Variants in BBS9 observed in about 807,000 individuals in gnomAD.
BBS9 encodes protein PTHB1.
Under a neutral mutation model 117.7 loss-of-function variants are expected in BBS9, and 89 were observed. That is an observed-to-expected ratio of 0.76 (90% CI 0.64 to 0.90). BBS9 has a LOEUF of 0.90. Ranked by LOEUF, BBS9 falls within the 40% of genes least tolerant of loss-of-function variation. The pLI, the probability that BBS9 is intolerant of heterozygous loss-of-function variation, is 0.00. For missense variants in BBS9, 982 were observed against 1,042.2 expected, an observed-to-expected ratio of 0.94 and a Z score of 0.80; for synonymous variants, 379 against 370.9, an observed-to-expected ratio of 1.02 and a Z score of -0.25.
intron 19 of BBS9, among the ~76,000 whole-genome samples, chr7:33,446,614 G>A (rs1355537384): frequency 6.6e-6 from 1 of 152,084 alleles, no homozygotes; most frequent in Non-Finnish European, 1.5e-5. Context: ...CCCCAGAAAA[G>A]GTAGAAAGTG....
rs971009022 is a variant in BBS9, at chr7:33,443,100, G to C, written c.2115+54956G>C. On this transcript the variant is annotated intron_variant, in intron 19 of 22. Coordinates refer to ENST00000242067, the MANE Select transcript of BBS9 (RefSeq NM_198428.3). ...TGTACTCATTTCTGTGAAAAATTAT[G>C]ACTACTTTGTAGTAGAACTGGCACC... Among the ~76,000 whole-genome samples, 6 of 152,106 alleles carry C rather than the reference G, an allele frequency of 3.9e-5. No individual in the cohort carries two copies. In the East Asian group the frequency reaches 1.2e-3, roughly 29 times the overall value.
intron 11 of BBS9, 59 bp downstream of exon 11, chr7:33,341,032 G>C: frequency 7.0e-7 from 1 of 1,426,702 alleles, no homozygotes; most frequent in South Asian, 1.1e-5. Context: ...TGATGAATTA[G>C]GACCAAAATG....
At chr7:33,245,905 G>A (rs1265190304) in intron 5 of BBS9, among the ~76,000 whole-genome samples, 1 of 152,124 alleles carries the variant, frequency 6.6e-6, no homozygotes, top group Non-Finnish European at 1.5e-5. Context: ...GTGAGAGGGA[G>A]TACTATGTTC....
chr7:33,497,711 C>T (rs1256579102), intron 19 of BBS9, among the ~76,000 whole-genome samples: 1 of 152,060 alleles, frequency 6.6e-6, no homozygotes, highest in Non-Finnish European at 1.5e-5. Flanking sequence ...AAGGGAAATC[C>T]AACGTTGAGT....
At chr7:33,524,481 G>A (rs1006136593) in intron 20 of BBS9, among the ~76,000 whole-genome samples, 7 of 152,220 alleles carry the variant, frequency 4.6e-5, no homozygotes, top group Non-Finnish European at 1.0e-4. Context: ...GTCTTGGGAG[G>A]GTGTATGTGT....
intron 19 of BBS9, among the ~76,000 whole-genome samples, chr7:33,421,208 A>G (rs1381379604): frequency 6.6e-6 from 1 of 151,796 alleles, no homozygotes; most frequent in African/African-American, 2.4e-5. Flanking sequence ...TAAACAAATG[A>G]TTCTACAAAC....
chr7:33,185,626 G>T (rs745699244), intron 5 of BBS9, among the ~76,000 whole-genome samples: 1 of 152,106 alleles, frequency 6.6e-6, no homozygotes, highest in African/African-American at 2.4e-5. Context: ...CTTTCCAGTA[G>T]TGAGTGGGTG....
At chr7:33,225,454 C>G (rs1485727335) in intron 5 of BBS9, among the ~76,000 whole-genome samples, 2 of 152,146 alleles carry the variant, frequency 1.3e-5, no homozygotes, top group Non-Finnish European at 2.9e-5. Context: ...CTACCTTGGC[C>G]TCCCAAAGTG....
chr7:33,403,441 G>A (rs1829311712), intron 19 of BBS9, among the ~76,000 whole-genome samples: 1 of 149,478 alleles, frequency 6.7e-6, no homozygotes, highest in African/African-American at 2.5e-5. Flanking sequence ...CATTAGTTAT[G>A]TCTCCTAATG....
intron 19 of BBS9, among the ~76,000 whole-genome samples, chr7:33,466,399 T>C (rs979205759): frequency 5.8e-5 from 4 of 69,370 alleles, no homozygotes; most frequent in African/African-American, 3.1e-4. Flanking sequence ...GCAGTATTTG[T>C]CTTTCTGGGC....
intron 4 of BBS9, among the ~76,000 whole-genome samples, chr7:33,174,978 T>G (rs1797119455): frequency 6.6e-6 from 1 of 152,234 alleles, no homozygotes; most frequent in East Asian, 1.9e-4. Context: ...AATTTAAGCC[T>G]TTATGTTTGT....
At chr7:33,513,504 C>T (rs998891426) in intron 20 of BBS9, among the ~76,000 whole-genome samples, 1 of 152,112 alleles carries the variant, frequency 6.6e-6, no homozygotes, top group Non-Finnish European at 1.5e-5. Context: ...CATAATGTCT[C>T]ACATAATTAC....
chr7:33,279,516 T>C (rs1801418045), intron 9 of BBS9, among the ~76,000 whole-genome samples: 1 of 152,244 alleles, frequency 6.6e-6, no homozygotes, highest in South Asian at 2.1e-4. Context: ...AAGTTGCTGC[T>C]TTTTAAATAC....
At chr7:33,282,151 T>C (rs1035256009) in intron 9 of BBS9, among the ~76,000 whole-genome samples, 1 of 152,122 alleles carries the variant, frequency 6.6e-6, no homozygotes, top group Admixed American at 6.6e-5. Flanking sequence ...GAGAAAATAA[T>C]AACCTTTGTG....
chr7:33,511,328 T>C (rs989716121), intron 20 of BBS9, among the ~76,000 whole-genome samples: 1 of 152,164 alleles, frequency 6.6e-6, no homozygotes, highest in Non-Finnish European at 1.5e-5. Context: ...AGTTTTGATA[T>C]TTCCAAAACT....
In BBS9 at chr7:33,340,980, G is replaced by A. The variant is rs779395530; in HGVS notation, c.1275+7G>A. 5.0e-6 allele frequency: 8 copies of A among 1,610,144 alleles called. No homozygotes were observed. Among genetic ancestry groups the A allele is most frequent in the Non-Finnish European group, 6.8e-6 (8 of 1,176,584 alleles). On this transcript the variant is annotated splice_region_variant and intron_variant, in intron 11 of 22. Coordinates refer to ENST00000242067, the MANE Select transcript of BBS9 (RefSeq NM_198428.3). ...TAACTTTGATTCAGTTTCTGTAGGT[G>A]TACTTGCAGATTTTAAAGGGGTTTA...
At chr7:33,230,879 A>G (rs1792240598) in intron 5 of BBS9, among the ~76,000 whole-genome samples, 1 of 152,202 alleles carries the variant, frequency 6.6e-6, no homozygotes, top group Non-Finnish European at 1.5e-5. Context: ...TGCAATAAAC[A>G]TATGCATGCA....
At chr7:33,322,540 G>A (rs995717040) in intron 9 of BBS9, among the ~76,000 whole-genome samples, 1 of 151,790 alleles carries the variant, frequency 6.6e-6, no homozygotes, top group Non-Finnish European at 1.5e-5. Context: ...GTTGCTCATA[G>A]TAGCCACTAA....
intron 5 of BBS9, among the ~76,000 whole-genome samples, chr7:33,208,537 C>A (rs1385072260): frequency 2.0e-5 from 3 of 152,186 alleles, no homozygotes; most frequent in Non-Finnish European, 4.4e-5. Context: ...AAGTCCTTTG[C>A]TTTCTTCTGT....
Sources: allele counts gnomAD v4.1 joint callset (sites outside exome capture counted in the v4.1 genomes callset), GRCh38; gene constraint gnomAD v4.1.1; transcripts MANE v1.5; gene names NCBI Gene and HGNC (gene_info 2026-07-23, HGNC 2026-07-21).